IFT122: variants seen among roughly 807,000 people sequenced by gnomAD.
IFT122 encodes the protein intraflagellar transport protein 122 homolog.
In IFT122, 118 loss-of-function variants were observed where a neutral mutation model predicts 161.6. The ratio of observed to expected loss-of-function variants is 0.73; its 90% CI spans 0.63 to 0.85. The LOEUF (loss-of-function observed/expected upper bound fraction) is 0.85. IFT122 is among the 40% of genes least tolerant of loss of function. The pLI, the probability that IFT122 is intolerant of heterozygous loss-of-function variation, is 0.00. For missense variants in IFT122, 1,381 were observed against 1,579.6 expected (o/e 0.87, Z 2.13); for synonymous variants, 550 against 602.4 (o/e 0.91, Z 1.27).
At chr3:129,507,787 C>T (rs780406640) in intron 23 of IFT122, 25 bp downstream of exon 23, 3 of 1,560,402 alleles carry the variant, frequency 1.9e-6, no homozygotes, top group Admixed American at 1.7e-5. Context: ...TCACCAGCAC[C>T]TGAGGGTACC....
chr3:129,500,673 A>G (rs950316160), intron 19 of IFT122, among the ~76,000 whole-genome samples: 3 of 152,230 alleles, frequency 2.0e-5, no homozygotes, highest in African/African-American at 4.8e-5. Context: ...ATGGCGGGAA[A>G]GGATATGCAG....
chr3:129,498,484 C>T (rs138944243), intron 18 of IFT122, among the ~76,000 whole-genome samples: 5,279 of 152,322 alleles, frequency 0.035, 278 homozygotes, highest in South Asian at 0.11. Context: ...TTCCAAGCCC[C>T]TTCCCTTTGT....
intron 26 of IFT122, among the ~76,000 whole-genome samples, 169 bp downstream of exon 26, chr3:129,515,768 G>A (rs1203482921): frequency 6.6e-6 from 1 of 152,286 alleles, no homozygotes; most frequent in East Asian, 1.9e-4. Context: ...AGGAGTCACT[G>A]TCGGTGTTCC....
At chr3:129,449,303 A>G (rs886329261) in intron 1 of IFT122, among the ~76,000 whole-genome samples, 24 of 152,366 alleles carry the variant, frequency 1.6e-4, no homozygotes, top group African/African-American at 5.5e-4. Context: ...AAATGCTGCC[A>G]GTTACACTGA....
chr3:129,501,850 CTAAG>C (rs1256729177), intron 19 of IFT122, among the ~76,000 whole-genome samples: 1 of 152,202 alleles, frequency 6.6e-6, no homozygotes, highest in Non-Finnish European at 1.5e-5. Context: ...CATTATTATT[CTAAG>C]TGTAGACTGA....
chr3:129,474,882 T>A (rs1376137173), intron 9 of IFT122, among the ~76,000 whole-genome samples: 2 of 152,202 alleles, frequency 1.3e-5, no homozygotes, highest in East Asian at 3.8e-4. Context: ...GGGCTGGGCA[T>A]GGTGGTTCAC....
intron 15 of IFT122, among the ~76,000 whole-genome samples, chr3:129,486,822 G>A (rs2079339392): frequency 6.6e-6 from 1 of 152,172 alleles, no homozygotes; most frequent in Non-Finnish European, 1.5e-5. Flanking sequence ...AGAAGTTAAT[G>A]GATTTACCCA....
chr3:129,476,235 G>A (rs2077933088), intron 9 of IFT122, 80 bp from the exon 10 acceptor site: 2 of 1,511,852 alleles, frequency 1.3e-6, no homozygotes, highest in Admixed American at 1.8e-5. Flanking sequence ...TAAAGTTGGC[G>A]AGAAAAAGCC....
intron 3 of IFT122, among the ~76,000 whole-genome samples, chr3:129,454,736 T>C (rs752588840): frequency 1.3e-5 from 2 of 152,126 alleles, no homozygotes; most frequent in African/African-American, 4.8e-5. Context: ...CTCTGGTGTT[T>C]ATAAGCATAG....
At chr3:129,502,937 G>T in intron 20 of IFT122, 55 bp downstream of exon 20, 3 of 1,577,094 alleles carry the variant, frequency 1.9e-6, no homozygotes, top group Non-Finnish European at 2.6e-6. Flanking sequence ...CTGGGACACA[G>T]GCGGGTGGGT....
chr3:129,512,943 G>A (rs963516117), intron 24 of IFT122: 1 of 168,020 alleles, frequency 6.0e-6, no homozygotes, highest in Non-Finnish European at 1.3e-5. Flanking sequence ...CATGGTCAGG[G>A]AAGTTTACCT....
chr3:129,459,580 G>T (rs1383039324), intron 4 of IFT122: 4 of 153,576 alleles, frequency 2.6e-5, no homozygotes, highest in Non-Finnish European at 2.9e-5. Context: ...GCCCATAATT[G>T]GTACTCACCA....
At chr3:129,470,831 A>G (rs935643785) in intron 9 of IFT122, among the ~76,000 whole-genome samples, 3 of 151,936 alleles carry the variant, frequency 2.0e-5, no homozygotes, top group African/African-American at 7.3e-5. Context: ...CAGTCTCCCA[A>G]AGTGCTGGGA....
intron 1 of IFT122, among the ~76,000 whole-genome samples, chr3:129,441,369 C>T (rs192248408): frequency 1.3e-4 from 20 of 152,210 alleles, no homozygotes; most frequent in East Asian, 3.9e-4. Context: ...CTTTTGTGTT[C>T]GGCACTAGTG....
intron 16 of IFT122, among the ~76,000 whole-genome samples, chr3:129,491,574 A>T (rs934587705): frequency 6.6e-6 from 1 of 152,106 alleles, no homozygotes; most frequent in African/African-American, 2.4e-5. Flanking sequence ...ACTTGGTGGG[A>T]TTCATTCCCT....
chr3:129,494,818 C>T (rs1457030988), intron 17 of IFT122, among the ~76,000 whole-genome samples: 2 of 152,142 alleles, frequency 1.3e-5, no homozygotes, highest in Non-Finnish European at 2.9e-5. Flanking sequence ...CTGACCTGTT[C>T]CTCTTCTTGA....
Position 129,504,410 on chromosome 3 carries a change from A to T in IFT122, c.2639A>T (p.Glu880Val), listed in dbSNP as rs779290112. ...CTAGCAGAGAACGATCGCTTTGAGG[A>T]AGCCCAGAAAGGTAGGCAACACAGA... ...QWLAENDRFEEAQKAFHKAGR... is the reference protein window; with the variant it reads ...QWLAENDRFEVAQKAFHKAGR... Residue 880 changes from glutamate to valine, a missense_variant, in exon 21 of 30, where the codon GAA becomes GTA. This residue lies in a region of IFT122 where 496 missense variants were observed against 502.5 expected (regional missense o/e 0.99). Coordinates refer to ENST00000348417, the MANE Select transcript of IFT122 (RefSeq NM_052989.3). 1 of 1,613,678 alleles carries T rather than the reference A, an allele frequency of 6.2e-7. No individual in the cohort carries two copies. The highest frequency in any genetic ancestry group is 8.5e-7 in the Non-Finnish European group (1 of 1,179,606).
chr3:129,482,192 A>G (rs1224628491), intron 14 of IFT122, among the ~76,000 whole-genome samples: 3 of 152,160 alleles, frequency 2.0e-5, no homozygotes, highest in Non-Finnish European at 4.4e-5. Context: ...ATTCACAAGA[A>G]TGCTAGAAGA....
At chr3:129,444,094 C>T (rs1173619273) in intron 1 of IFT122, among the ~76,000 whole-genome samples, 1 of 152,230 alleles carries the variant, frequency 6.6e-6, no homozygotes, top group Non-Finnish European at 1.5e-5. Flanking sequence ...TTTGGATAGA[C>T]TGGCTTGTGC....
Sources: allele counts gnomAD v4.1 joint callset (sites outside exome capture counted in the v4.1 genomes callset), GRCh38; gene constraint gnomAD v4.1.1; regional missense constraint gnomAD v4.1.1; transcripts MANE v1.5; gene names NCBI Gene and HGNC (gene_info 2026-07-23, HGNC 2026-07-21).